Variants in PRKCB observed in about 807,000 individuals in gnomAD.
PRKCB encodes the protein protein kinase C beta.
A neutral mutation model predicts 81.5 loss-of-function variants in PRKCB; 13 were observed. The ratio of observed to expected loss-of-function variants is 0.16; its 90% CI spans 0.10 to 0.25. The LOEUF is 0.25. Among genes scored for constraint, PRKCB ranks in the 10% least tolerant of loss-of-function variants. PRKCB has a pLI of 1.00. For synonymous variants in PRKCB, 335 were observed against 321.4 expected (o/e 1.04, Z -0.45); for missense variants, 509 against 875.7 (o/e 0.58, Z 5.29).
chr16:24,212,530 G>C (rs530770260), intron 16 of PRKCB, among the ~76,000 whole-genome samples: 1 of 135,352 alleles, frequency 7.4e-6, no homozygotes, highest in African/African-American at 2.8e-5. Flanking sequence ...AGGCTGGAGT[G>C]CAGTGGTACA....
At chr16:24,113,966 C>T (rs1025971373) in intron 8 of PRKCB, among the ~76,000 whole-genome samples, 1 of 151,786 alleles carries the variant, frequency 6.6e-6, no homozygotes, top group Non-Finnish European at 1.5e-5. Context: ...CCTGTAATTC[C>T]AGCACTTTGG....
At chr16:23,882,956 G>A (rs754458206) in intron 2 of PRKCB, among the ~76,000 whole-genome samples, 17 of 151,982 alleles carry the variant, frequency 1.1e-4, no homozygotes, top group Non-Finnish European at 2.2e-4. Context: ...AAACTGTCTC[G>A]GGAAGATTTT....
intron 10 of PRKCB, among the ~76,000 whole-genome samples, chr16:24,165,119 C>A (rs577605954): frequency 6.6e-6 from 1 of 152,342 alleles, no homozygotes; most frequent in South Asian, 2.1e-4. Context: ...CTGCTCATTG[C>A]AGCCTTGACC....
chr16:24,163,016 A>G (rs181052073), intron 10 of PRKCB, among the ~76,000 whole-genome samples: 25 of 152,268 alleles, frequency 1.6e-4, no homozygotes, highest in Non-Finnish European at 1.5e-5. Context: ...GCTCCTGGTA[A>G]ACATGACTTC....
At chr16:24,151,061 G>C (rs395897) in intron 9 of PRKCB, among the ~76,000 whole-genome samples, 55,204 of 152,050 alleles carry the variant, frequency 0.36, 10,375 homozygotes, top group South Asian at 0.47. Flanking sequence ...ACTGCTACTT[G>C]AGATTGTTTT....
At chr16:24,186,757 C>G (rs960954551) in intron 15 of PRKCB, among the ~76,000 whole-genome samples, 1 of 152,250 alleles carries the variant, frequency 6.6e-6, no homozygotes, top group African/African-American at 2.4e-5. Context: ...GCCAGCCTCT[C>G]AGCCTAAAAG....
chr16:24,201,110 G>A lies in PRKCB; in HGVS notation c.1863+9880G>A, dbSNP rs1442527749. On this transcript the variant is annotated intron_variant, in intron 16 of 16. Coordinates refer to ENST00000643927, the MANE Select transcript of PRKCB (RefSeq NM_002738.7). ...CTTCCATCTCTGTCTTAGCAAATAT[G>A]TTTTCCCTCCCCCAACTCATGTGAG... Among the ~76,000 whole-genome samples, 3 of 151,862 alleles carry A rather than the reference G, an allele frequency of 2.0e-5. No homozygotes were observed. In the East Asian group the frequency reaches 5.8e-4, roughly 29 times the overall value.
At chr16:24,015,934 TCAGTAGG>T (rs1444440364) in intron 3 of PRKCB, among the ~76,000 whole-genome samples, 1 of 152,160 alleles carries the variant, frequency 6.6e-6, no homozygotes, top group Non-Finnish European at 1.5e-5. Context: ...AAGTCACAAC[TCAGTAGG>T]CACAGGGATG....
intron 2 of PRKCB, among the ~76,000 whole-genome samples, chr16:23,987,681 G>A (rs145929656): frequency 6.6e-6 from 1 of 152,178 alleles, no homozygotes; most frequent in East Asian, 1.9e-4. Flanking sequence ...TACTAAGCAT[G>A]CACTTTAGAA....
chr16:24,133,074 C>T (rs1486787019), intron 9 of PRKCB, among the ~76,000 whole-genome samples: 1 of 152,130 alleles, frequency 6.6e-6, no homozygotes, highest in Non-Finnish European at 1.5e-5. Flanking sequence ...ATCTTTCCCT[C>T]TAAGTGCTAA....
intron 2 of PRKCB, among the ~76,000 whole-genome samples, chr16:23,882,035 TTC>T (rs1309137520): frequency 1.3e-4 from 17 of 127,976 alleles, no homozygotes; most frequent in Admixed American, 3.4e-4. Context: ...CCTTCCTTCC[TTC>T]CTTCCTTCCT....
intron 5 of PRKCB, among the ~76,000 whole-genome samples, chr16:24,055,359 T>C (rs1332797050): frequency 3.3e-5 from 5 of 152,322 alleles, no homozygotes; most frequent in African/African-American, 4.8e-5. Context: ...TGAGAAGCAC[T>C]AGGGAAGGAA....
At chr16:23,964,645 T>C (rs1195035242) in intron 2 of PRKCB, among the ~76,000 whole-genome samples, 2 of 151,804 alleles carry the variant, frequency 1.3e-5, no homozygotes, top group Non-Finnish European at 2.9e-5. Context: ...TTCTGTACTG[T>C]CACTTCCAGG....
Position 24,112,318 on chromosome 16 carries a change from C to T in PRKCB, c.822-655C>T, listed in dbSNP as rs550661520. 2.0e-5 allele frequency among the ~76,000 whole-genome samples: 3 copies of T among 152,262 alleles called. No individual in the cohort carries two copies. In the East Asian group the frequency reaches 5.8e-4, roughly 29 times the overall value. On this transcript the variant is annotated intron_variant, in intron 7 of 16. Coordinates refer to ENST00000643927, the MANE Select transcript of PRKCB (RefSeq NM_002738.7). ...ATAGGGTGAGAAGATCACTTGAGGT[C>T]AGGAATTCAAGACTAGTCTGAGAAA... is the stretch of plus-strand genomic sequence containing the variant.
At chr16:23,947,166 A>G (rs1218940263) in intron 2 of PRKCB, among the ~76,000 whole-genome samples, 1 of 152,120 alleles carries the variant, frequency 6.6e-6, no homozygotes, top group Non-Finnish European at 1.5e-5. Context: ...CATGGATCAC[A>G]CTTTGAGTAG....
rs112729951 is a variant in PRKCB, at chr16:24,216,447, C to T, written c.*1631C>T. On this transcript the variant is annotated 3_prime_UTR_variant, in exon 17 of 17. Transcript: ENST00000643927. The stretch of plus-strand genomic sequence containing the variant: ...CAGGTGACTCCCCCTCCTCGCCTGC[C>T]GTGTCCTGCTATTCTCAGGCAGCTC... The T allele has an allele frequency of 1.7e-5, 17 of 985,418 alleles. No individual in the cohort carries two copies. The highest frequency in any genetic ancestry group is 1.0e-4 in the African/African-American group (6 of 57,352). 61.0% of individuals were successfully genotyped at this position (985,418 alleles called of 1,614,324 possible).
intron 9 of PRKCB, among the ~76,000 whole-genome samples, chr16:24,137,059 T>G (rs988178870): frequency 1.3e-5 from 2 of 151,076 alleles, no homozygotes; most frequent in African/African-American, 4.9e-5. Flanking sequence ...TTTTTTTTTT[T>G]TGTATTTTTA....
intron 2 of PRKCB, among the ~76,000 whole-genome samples, chr16:23,873,213 A>C (rs1962941010): frequency 6.6e-6 from 1 of 150,672 alleles, no homozygotes; most frequent in Non-Finnish European, 1.5e-5. Flanking sequence ...AAAAAAAGAA[A>C]AAAAAAGTTA....
Position 24,185,443 on chromosome 16 carries a change from C to A in PRKCB, c.1615-17C>A. ...CAAGCAGGGATTCTTCTCCTCCCAC[C>A]CTCCCCTGTCATACAGGCACCCTTT... On this transcript the variant is annotated splice_polypyrimidine_tract_variant and intron_variant, in intron 14 of 16. Transcript: ENST00000643927. 1 of 1,607,222 alleles carries A rather than the reference C, an allele frequency of 6.2e-7. No individual in the cohort carries two copies. The highest frequency in any genetic ancestry group is 8.5e-7 in the Non-Finnish European group (1 of 1,174,004).
Sources: allele counts gnomAD v4.1 joint callset (sites outside exome capture counted in the v4.1 genomes callset), GRCh38; gene constraint gnomAD v4.1.1; transcripts MANE v1.5; gene names NCBI Gene and HGNC (gene_info 2026-07-23, HGNC 2026-07-21).